OR5K1: variants seen among roughly 807,000 people sequenced by gnomAD.
OR5K1 encodes the protein olfactory receptor family 5 subfamily K member 1.
In OR5K1, 7 loss-of-function variants were observed where a neutral mutation model predicts 10.4. The ratio of observed to expected loss-of-function variants is 0.67; its 90% CI spans 0.38 to 1.26. The LOEUF (loss-of-function observed/expected upper bound fraction) is 1.26, where lower values mean the gene tolerates loss of function less well. Among genes scored for constraint, OR5K1 ranks in the 50% most tolerant of loss-of-function variants. The pLI is 0.02. For synonymous variants in OR5K1, 135 were observed against 128.5 expected, an observed-to-expected ratio of 1.05 and a Z score of -0.34; for missense variants, 435 against 366.2, an observed-to-expected ratio of 1.19 and a Z score of -1.53.
At chr3:98,465,238 T>A (rs1038337678) in intron 1 of OR5K1, among the ~76,000 whole-genome samples, 3 of 152,180 alleles carry the variant, frequency 2.0e-5, no homozygotes, top group Non-Finnish European at 4.4e-5. Flanking sequence ...TATAAAACTT[T>A]CTATTTTGTT....
chr3:98,469,062 G>T (rs1326138848), intron 1 of OR5K1, among the ~76,000 whole-genome samples: 6 of 152,050 alleles, frequency 3.9e-5, no homozygotes, highest in East Asian at 1.9e-4. Flanking sequence ...ACTGGATAAA[G>T]AAAATGTGGT....
chr3:98,469,191 C>T (rs1705411133), intron 1 of OR5K1, among the ~76,000 whole-genome samples: 1 of 151,986 alleles, frequency 6.6e-6, no homozygotes, highest in African/African-American at 2.4e-5. Flanking sequence ...AACAGAAAAC[C>T]AGGTATTGCA....
intron 1 of OR5K1, among the ~76,000 whole-genome samples, chr3:98,468,979 C>T (rs185155455): frequency 1.2e-3 from 183 of 152,134 alleles, no homozygotes; most frequent in Middle Eastern, 6.8e-3. Flanking sequence ...TGATGTATTT[C>T]TTCCTCAAAA....
At chr3:98,464,715 A>C (rs1439019974) in intron 1 of OR5K1, among the ~76,000 whole-genome samples, 3 of 152,206 alleles carry the variant, frequency 2.0e-5, no homozygotes, top group African/African-American at 7.2e-5. Flanking sequence ...GACATTTGAA[A>C]GAGTAAAAGT....
rs1424468665 is a variant in OR5K1, at chr3:98,470,186, G to A, written c.610G>A (p.Gly204Ser). The change falls in exon 2 of 2, where the codon GGT becomes AGT. Residue 204 changes from glycine (G) to serine (S), a missense_variant. Transcript: ENST00000642057. ...TGAACTGGTTCTATTCATCTTCTCA[G>A]GTTCAGTTCAAGTCTTTACCATAGG... is the stretch of plus-strand genomic sequence containing the variant. ...INELVLFIFS[G>S]SVQVFTIGSV... The A allele has an allele frequency of 6.2e-6, 10 of 1,613,038 alleles. No individual in the cohort carries two copies. Among genetic ancestry groups the A allele is most frequent in the Admixed American group, 1.7e-5 (1 of 59,818 alleles).
rs190259915 is a variant in OR5K1, at chr3:98,469,641, A to G, written c.65A>G (p.Glu22Gly). The G allele has an allele frequency of 2.3e-3, 3,682 of 1,613,556 alleles. 13 individuals are homozygous for G. Among genetic ancestry groups the G allele is most frequent in the Middle Eastern group, 7.1e-3 (43 of 6,052 alleles). The change falls in exon 2 of 2, where the codon GAG becomes GGG. Residue 22 changes from glutamate to glycine, a missense_variant. Coordinates refer to ENST00000642057, the MANE Select transcript of OR5K1 (RefSeq NM_001004736.4). Reference sequence around the variant, plus strand: ...CTCACAGGATTTACAGATCACCCTGAGCTGAAGACTCTGCTGTTTGTGGTG... The same window carrying G: ...CTCACAGGATTTACAGATCACCCTGGGCTGAAGACTCTGCTGTTTGTGGTG... ...FILTGFTDHP[E>G]LKTLLFVVFF... is the part of the protein sequence containing the mutation.
chr3:98,468,187 C>T (rs1032351134), intron 1 of OR5K1, among the ~76,000 whole-genome samples: 74 of 152,034 alleles, frequency 4.9e-4, no homozygotes, highest in South Asian at 6.2e-4. Context: ...TTCCTCCCCA[C>T]CCCAGAGGGG....
In OR5K1 at chr3:98,468,790, A is replaced by T. The variant is rs893935951; in HGVS notation, c.-11-776A>T. On this transcript the variant is annotated intron_variant, in intron 1 of 1. Coordinates refer to ENST00000642057, the MANE Select transcript of OR5K1 (RefSeq NM_001004736.4). ...GCTGCTATTAACATTGGCATATAAA[A>T]ATACTCTTTTAAACAACATTGTTAA... 2.0e-5 allele frequency among the ~76,000 whole-genome samples: 3 copies of T among 152,110 alleles called. No individual in the cohort carries two copies. In the East Asian group the frequency reaches 5.8e-4, roughly 29 times the overall value.
Position 98,469,658 on chromosome 3 carries a change from T to G in OR5K1, c.82T>G (p.Phe28Val), listed in dbSNP as rs2107092713. Residue 28 changes from phenylalanine to valine, a missense_variant, in exon 2 of 2, where the codon TTT becomes GTT. Coordinates refer to ENST00000642057, the MANE Select transcript of OR5K1 (RefSeq NM_001004736.4). ...TCACCCTGAGCTGAAGACTCTGCTG[T>G]TTGTGGTGTTCTTTGCCATCTATCT... is the stretch of plus-strand genomic sequence containing the variant. ...TDHPELKTLL[F>V]VVFFAIYLIT... 1 of 1,613,660 alleles carries G rather than the reference T, an allele frequency of 6.2e-7. No homozygotes were observed. The highest frequency in any genetic ancestry group is 1.1e-5 in the South Asian group (1 of 91,064).
At position 98,472,549 on chromosome 3, in the gene OR5K1, C is replaced by A. The variant is rs1364758822; in HGVS notation, c.*2046C>A. 6.6e-6 allele frequency: 1 copy of A among 151,936 alleles called. No individual in the cohort carries two copies. The highest frequency in any genetic ancestry group is 2.4e-5 in the African/African-American group (1 of 41,378). 9.4% of individuals were successfully genotyped at this position (151,936 alleles called of 1,614,324 possible). On this transcript the variant is annotated 3_prime_UTR_variant, in exon 2 of 2. Transcript: ENST00000642057. ...TGATGTTGCTTTTTTTCCCAACTGA[C>A]TGAATCCTTAATTCTAGGATGATAC...
At position 98,470,650 on chromosome 3, in the gene OR5K1, G is replaced by A. The variant is rs752839904; in HGVS notation, c.*147G>A. 238 of 526,588 alleles carry A rather than the reference G, an allele frequency of 4.5e-4. No homozygotes were observed. The highest frequency in any genetic ancestry group is 7.3e-4 in the Non-Finnish European group (216 of 296,520). The allele number at this position is 526,588 out of a possible 1,614,324, so 32.6% of individuals were successfully genotyped here. A position where few individuals can be genotyped will look rare whatever the true frequency, so the allele number is the denominator to read the frequency against. ...AGAATACATTCAAATTAAGTGGCAAGAGGTAAGGGTAGAATATACAAAAAA... is the reference window on the plus strand; with the variant it reads ...AGAATACATTCAAATTAAGTGGCAAAAGGTAAGGGTAGAATATACAAAAAA... On this transcript the variant is annotated 3_prime_UTR_variant, in exon 2 of 2. Transcript: ENST00000642057.
Position 98,472,188 on chromosome 3 carries a change from T to C in OR5K1, c.*1685T>C, listed in dbSNP as rs1304652949. 1 of 151,946 alleles carries C rather than the reference T, an allele frequency of 6.6e-6. No homozygotes were observed. 9.4% of individuals were successfully genotyped at this position (151,946 alleles called of 1,614,324 possible). On this transcript the variant is annotated 3_prime_UTR_variant, in exon 2 of 2. Transcript: ENST00000642057. ...GTCTACTCCTCAGGCTGCATTGATTTTCAGCTAAAATGTCTATTTATCCAA... is the reference window on the plus strand; with the variant it reads ...GTCTACTCCTCAGGCTGCATTGATTCTCAGCTAAAATGTCTATTTATCCAA...
chr3:98,464,748 C>T (rs1371784361), intron 1 of OR5K1, among the ~76,000 whole-genome samples: 4 of 152,128 alleles, frequency 2.6e-5, no homozygotes, highest in Non-Finnish European at 5.9e-5. Flanking sequence ...GATATTGCTT[C>T]CATAGAGGAG....
chr3:98,468,738 T>G (rs1201441062), intron 1 of OR5K1, among the ~76,000 whole-genome samples: 1 of 152,098 alleles, frequency 6.6e-6, no homozygotes, highest in Admixed American at 6.6e-5. Flanking sequence ...TTTGGTTTGC[T>G]TCCACCTTTT....
rs752708715 is a variant in OR5K1 at position 98,469,751 on chromosome 3, A to G, written c.175A>G (p.Met59Val). The G allele has an allele frequency of 3.0e-5, 48 of 1,613,650 alleles. No homozygotes were observed. The African/African-American group carries it at 5.3e-4, about 18-fold the overall frequency. ...IFTHRRLHTP[M>V]YIFLGNLALV... ...TACACACCGTCGGCTTCACACACCA[A>G]TGTACATCTTTCTGGGAAATCTGGC... The change falls in exon 2 of 2, where the codon ATG becomes GTG. Residue 59 changes from methionine (M) to valine (V), a missense_variant. Physicochemically the swap from Met to Val is conservative, Grantham distance 21. Transcript: ENST00000642057.
chr3:98,466,869 A>G lies in OR5K1; in HGVS notation c.-11-2697A>G, dbSNP rs374001995. 4.2e-3 allele frequency among the ~76,000 whole-genome samples: 507 copies of G among 119,782 alleles called. 6 individuals carry two copies. The highest frequency in any genetic ancestry group is 0.02 in the African/African-American group (487 of 24,946). The allele number at this position is 119,782 out of a possible 152,430, so 78.6% of individuals were successfully genotyped here. On this transcript the variant is annotated intron_variant, in intron 1 of 1. Coordinates refer to ENST00000642057, the MANE Select transcript of OR5K1 (RefSeq NM_001004736.4). ...TAGGTTGCCTGTTCACTCTGATGGT[A>G]GTTTCTTTTGCTGTGCAGAAGCTCT...
intron 1 of OR5K1, among the ~76,000 whole-genome samples, chr3:98,465,461 G>A (rs982668890): frequency 1.3e-5 from 2 of 152,106 alleles, no homozygotes; most frequent in Admixed American, 6.5e-5. Context: ...AATCTTTGTA[G>A]AAGAGTCTAA....
In OR5K1 at chr3:98,469,567, C is replaced by A. The variant is rs1169943419; in HGVS notation, c.-10C>A. The stretch of plus-strand genomic sequence containing the variant: ...TCTTTCTCCACAATTTTTTTTCAGA[C>A]AAGTCAGGAATGGCTGAAGAAAATC... On this transcript the variant is annotated splice_region_variant and 5_prime_UTR_variant, in exon 2 of 2. Coordinates refer to ENST00000642057, the MANE Select transcript of OR5K1 (RefSeq NM_001004736.4). The A allele has an allele frequency of 1.3e-6, 2 of 1,592,470 alleles. No individual in the cohort carries two copies. Among genetic ancestry groups the A allele is most frequent in the Non-Finnish European group, 1.7e-6 (2 of 1,169,190 alleles).
chr3:98,467,507 C>T (rs1342815553), intron 1 of OR5K1, among the ~76,000 whole-genome samples: 1 of 29,066 alleles, frequency 3.4e-5, no homozygotes, highest in East Asian at 9.7e-4. Flanking sequence ...GCCATTTTCA[C>T]GATATTGATT....
Sources: allele counts gnomAD v4.1 joint callset (sites outside exome capture counted in the v4.1 genomes callset), GRCh38; gene constraint gnomAD v4.1.1; transcripts MANE v1.5; gene names NCBI Gene and HGNC (gene_info 2026-07-23, HGNC 2026-07-21).